The following TRAPPC9 variants were observed in gnomAD, a reference collection of about 807,000 sequenced individuals.
TRAPPC9 encodes the protein trafficking protein particle complex subunit 9, also known as IKK2 binding protein.
TRAPPC9 carries 83 observed loss-of-function variants against 124.0 expected under a neutral mutation model. The ratio of observed to expected loss-of-function variants is 0.67; its 90% CI spans 0.56 to 0.80. The LOEUF (loss-of-function observed/expected upper bound fraction) is 0.80, where lower values mean the gene tolerates loss of function less well. Ranked by LOEUF, TRAPPC9 falls within the 30% of genes least tolerant of loss-of-function variation. TRAPPC9 has a pLI of 0.00. For missense variants in TRAPPC9, 1,302 were observed against 1,508.3 expected (o/e 0.86, Z 2.27); for synonymous variants, 638 against 617.5 (o/e 1.03, Z -0.49).
chr8:139,756,929 G>A (rs1157056874), intron 21 of TRAPPC9, among the ~76,000 whole-genome samples: 10 of 136,392 alleles, frequency 7.3e-5, no homozygotes, highest in African/African-American at 2.5e-4. Flanking sequence ...GTCGCAGGAG[G>A]AGCCAGGGTT....
chr8:139,843,067 G>A (rs1334369198), intron 21 of TRAPPC9, among the ~76,000 whole-genome samples: 1 of 152,230 alleles, frequency 6.6e-6, no homozygotes, highest in East Asian at 1.9e-4. Context: ...GGCGGGGACT[G>A]GGCTGTCTTG....
intron 11 of TRAPPC9, among the ~76,000 whole-genome samples, chr8:140,298,296 T>C (rs1277866140): frequency 2.0e-5 from 3 of 152,214 alleles, no homozygotes; most frequent in African/African-American, 7.2e-5. Flanking sequence ...ATGAAGTTTA[T>C]TATGAGACCC....
At position 140,001,383 on chromosome 8, in the gene TRAPPC9, T is replaced by TATAATA. The variant is rs35540594; in HGVS notation, c.2700-12553_2700-12548dup. ...TGCACATGTACTCTAGAACTTAAAG[T>TATAATA]ATAATAATAATAATAATAATAAAAA... On this transcript the variant is annotated intron_variant, in intron 18 of 22. Transcript: ENST00000438773. 5.3e-5 allele frequency among the ~76,000 whole-genome samples: 8 copies of TATAATA among 150,678 alleles called. No homozygotes were observed. In the East Asian group the frequency reaches 1.4e-3, roughly 26 times the overall value.
chr8:140,319,076 T>A (rs1220617437), intron 9 of TRAPPC9, among the ~76,000 whole-genome samples: 1 of 152,022 alleles, frequency 6.6e-6, no homozygotes, highest in Non-Finnish European at 1.5e-5. Context: ...CTTATGTCAC[T>A]AAAAATCAAT....
intron 9 of TRAPPC9, among the ~76,000 whole-genome samples, chr8:140,328,667 A>G (rs547014774): frequency 6.6e-6 from 1 of 152,172 alleles, no homozygotes; most frequent in Non-Finnish European, 1.5e-5. Context: ...ATCACCACTA[A>G]AGAACTTACT....
At chr8:140,195,215 C>A (rs2062614840) in intron 17 of TRAPPC9, among the ~76,000 whole-genome samples, 1 of 150,728 alleles carries the variant, frequency 6.6e-6, no homozygotes, top group Non-Finnish European at 1.5e-5. Context: ...AAAACACACT[C>A]AATGATCCAC....
chr8:139,949,441 C>G (rs1265958378), intron 19 of TRAPPC9, among the ~76,000 whole-genome samples: 1 of 152,106 alleles, frequency 6.6e-6, no homozygotes, highest in African/African-American at 2.4e-5. Context: ...AAAACGCACA[C>G]AAGAGCACAC....
intron 17 of TRAPPC9, chr8:140,100,003 G>T (rs1247200623): frequency 6.8e-6 from 1 of 147,354 alleles, no homozygotes; most frequent in African/African-American, 2.5e-5. Context: ...GAGTATTGAC[G>T]CCCACCCGGG....
At chr8:139,886,012 G>A in intron 20 of TRAPPC9, 43 bp from the exon 21 acceptor site, 1 of 1,532,622 alleles carries the variant, frequency 6.5e-7, no homozygotes. Context: ...CGGAGCCCAG[G>A]GACAGAAGAA....
intron 9 of TRAPPC9, among the ~76,000 whole-genome samples, chr8:140,332,603 T>G (rs1159171321): frequency 6.6e-6 from 1 of 152,058 alleles, no homozygotes; most frequent in Non-Finnish European, 1.5e-5. Flanking sequence ...AATTACTGTA[T>G]CAATTAAAAA....
chr8:140,245,597 T>G (rs1332202566), intron 16 of TRAPPC9, among the ~76,000 whole-genome samples: 1 of 152,196 alleles, frequency 6.6e-6, no homozygotes, highest in African/African-American at 2.4e-5. Context: ...ATCACCATCA[T>G]CTATCTCCAG....
chr8:140,191,734 T>C (rs2062496116), intron 17 of TRAPPC9, among the ~76,000 whole-genome samples: 1 of 152,160 alleles, frequency 6.6e-6, no homozygotes, highest in African/African-American at 2.4e-5. Context: ...TTTATCACAA[T>C]GCAAGAACAA....
intron 7 of TRAPPC9, among the ~76,000 whole-genome samples, chr8:140,378,929 G>A (rs2068523882): frequency 6.6e-6 from 1 of 152,086 alleles, no homozygotes; most frequent in Non-Finnish European, 1.5e-5. Context: ...TTTGCATTTT[G>A]AAAGATGTTG....
At chr8:140,298,758 G>T (rs1267051445) in intron 11 of TRAPPC9, among the ~76,000 whole-genome samples, 1 of 152,190 alleles carries the variant, frequency 6.6e-6, no homozygotes, top group African/African-American at 2.4e-5. Context: ...TGAGATCTAG[G>T]TTCTCCTGTG....
chr8:139,920,437 T>A (rs1001995917), intron 19 of TRAPPC9, among the ~76,000 whole-genome samples: 1 of 152,230 alleles, frequency 6.6e-6, no homozygotes, highest in Non-Finnish European at 1.5e-5. Context: ...TGGGTCTACT[T>A]CTAATCTGCC....
intron 17 of TRAPPC9, among the ~76,000 whole-genome samples, chr8:140,147,348 G>A (rs1293734579): frequency 1.3e-5 from 2 of 152,222 alleles, no homozygotes; most frequent in Non-Finnish European, 2.9e-5. Flanking sequence ...GAATTCCTTT[G>A]TTGAGTGAGG....
chr8:140,096,477 T>C (rs1462326024), intron 17 of TRAPPC9: 4 of 151,834 alleles, frequency 2.6e-5, no homozygotes, highest in Non-Finnish European at 5.9e-5. Flanking sequence ...TCCAAGTGAG[T>C]GTGAATGGTG....
chr8:139,798,645 A>T (rs1428196649), intron 21 of TRAPPC9, among the ~76,000 whole-genome samples: 1 of 152,176 alleles, frequency 6.6e-6, no homozygotes, highest in Non-Finnish European at 1.5e-5. Flanking sequence ...CAAGAGCGTA[A>T]ATACGGTCCC....
At chr8:140,319,449 T>C (rs527904501) in intron 9 of TRAPPC9, among the ~76,000 whole-genome samples, 1 of 151,350 alleles carries the variant, frequency 6.6e-6, no homozygotes, top group Non-Finnish European at 1.5e-5. Flanking sequence ...AGTGCTGGGA[T>C]TACAGGCTTG....
Sources: gnomAD v4.1 joint callset for allele counts (sites outside exome capture counted in the v4.1 genomes callset) on GRCh38, gnomAD v4.1.1 for gene constraint, MANE v1.5 for transcripts, NCBI Gene and HGNC (gene_info 2026-07-23, HGNC 2026-07-21) for gene names.